The following COL14A1 variants were observed in gnomAD, a reference collection of about 807,000 sequenced individuals.
COL14A1 encodes the protein collagen alpha-1(XIV) chain.
A neutral mutation model predicts 230.3 loss-of-function variants in COL14A1; 136 were observed. The observed-to-expected ratio is 0.59, with a 90% confidence interval of 0.51 to 0.68. COL14A1 has a LOEUF of 0.68. Among genes scored for constraint, COL14A1 ranks in the 30% least tolerant of loss-of-function variants. The pLI, the probability that COL14A1 is intolerant of heterozygous loss-of-function variation, is 0.00. For synonymous variants in COL14A1, 792 were observed against 784.1 expected (o/e 1.01, Z -0.17); for missense variants, 1,976 against 2,215.8 (o/e 0.89, Z 2.17).
At chr8:120,233,478 T>C (rs1818344002) in intron 19 of COL14A1, among the ~76,000 whole-genome samples, 1 of 151,994 alleles carries the variant, frequency 6.6e-6, no homozygotes, top group South Asian at 2.1e-4. Flanking sequence ...TTTTTTTGTC[T>C]AAGATTCATT....
intron 4 of COL14A1, among the ~76,000 whole-genome samples, chr8:120,167,849 A>G (rs372806000): frequency 1.3e-5 from 2 of 152,288 alleles, no homozygotes; most frequent in African/African-American, 4.8e-5. Flanking sequence ...CTGGTTCTTC[A>G]TTCCCTCATG....
chr8:120,134,594 G>GA (rs973280203), intron 1 of COL14A1, among the ~76,000 whole-genome samples: 2 of 151,504 alleles, frequency 1.3e-5, no homozygotes, highest in South Asian at 2.1e-4. Context: ...AGATAAAAAA[G>GA]AAAAAAAATA....
At chr8:120,168,486 C>T (rs1278637077) in intron 5 of COL14A1, among the ~76,000 whole-genome samples, 2 of 152,144 alleles carry the variant, frequency 1.3e-5, no homozygotes, top group Non-Finnish European at 2.9e-5. Context: ...TGTCATATTT[C>T]TTGTTCTGTG....
chr8:120,227,462 C>T (rs1342756218), intron 17 of COL14A1, 110 bp downstream of exon 17: 2 of 1,359,470 alleles, frequency 1.5e-6, no homozygotes, highest in Admixed American at 4.2e-5. Context: ...GCTTCAATTT[C>T]TCTTTGTCCC....
intron 1 of COL14A1, among the ~76,000 whole-genome samples, chr8:120,130,600 T>C (rs1240541046): frequency 6.6e-6 from 1 of 152,196 alleles, no homozygotes; most frequent in East Asian, 1.9e-4. Flanking sequence ...AGCCTACGTG[T>C]ACAAGGAAAG....
chr8:120,247,371 G>A (rs369735953), intron 20 of COL14A1, among the ~76,000 whole-genome samples: 3 of 151,868 alleles, frequency 2.0e-5, no homozygotes, highest in East Asian at 1.9e-4. Context: ...TGCAGTGAGC[G>A]GAGATCGTGC....
At chr8:120,255,420 C>G in intron 23 of COL14A1, 64 bp downstream of exon 23, 4 of 1,168,658 alleles carry the variant, frequency 3.4e-6, no homozygotes, top group Non-Finnish European at 5.1e-6. Context: ...TTGCACACCA[C>G]TGTGTACAAC....
intron 5 of COL14A1, among the ~76,000 whole-genome samples, chr8:120,173,620 A>G (rs1015473897): frequency 9.1e-6 from 1 of 110,486 alleles, no homozygotes; most frequent in East Asian, 2.5e-4. Context: ...GTTATCTATC[A>G]TCCATCTATC....
chr8:120,210,577 C>A (rs933736205), intron 12 of COL14A1, among the ~76,000 whole-genome samples: 3 of 152,102 alleles, frequency 2.0e-5, no homozygotes, highest in Non-Finnish European at 2.9e-5. Flanking sequence ...AAATGATGAA[C>A]CTTTGACCTT....
In COL14A1 at chr8:120,345,506, C is replaced by G; in HGVS notation, c.5020C>G (p.Pro1674Ala). ...TGGAGCCCCTGGTGAACAAGGACCC[C>G]CAGGCACACCAGGCTTCCCCGGAAA... ...SPGAPGEQGP[P>A]GTPGFPGNAG... The change falls in exon 45 of 48, where the codon CCA becomes GCA. Residue 1674 changes from proline to alanine, a missense_variant. Coordinates refer to ENST00000297848, the MANE Select transcript of COL14A1 (RefSeq NM_021110.4). 1.3e-6 allele frequency: 2 copies of G among 1,590,626 alleles called. No homozygotes were observed. The highest frequency in any genetic ancestry group is 2.3e-5 in the South Asian group (2 of 87,080).
In COL14A1 at chr8:120,298,123, A is replaced by G. The variant is rs569087447; in HGVS notation, c.4314+535A>G. On this transcript the variant is annotated intron_variant, in intron 35 of 47. Transcript: ENST00000297848. ...GATCACATTGGCCACTGCCATCCTC[A>G]CTTCTTTTTCTACATTGCTTTTTTC... 2.5e-3 allele frequency among the ~76,000 whole-genome samples: 376 copies of G among 152,016 alleles called. 1 individual carries two copies. Among genetic ancestry groups the G allele is most frequent in the Non-Finnish European group, 3.8e-3 (256 of 67,922 alleles).
At chr8:120,233,878 A>G (rs995569384) in intron 19 of COL14A1, among the ~76,000 whole-genome samples, 1 of 152,152 alleles carries the variant, frequency 6.6e-6, no homozygotes, top group Non-Finnish European at 1.5e-5. Flanking sequence ...GCTTGATGGG[A>G]ATAACATTGA....
At chr8:120,358,563 C>A (rs1388468156) in intron 45 of COL14A1, among the ~76,000 whole-genome samples, 1 of 151,614 alleles carries the variant, frequency 6.6e-6, no homozygotes, top group East Asian at 1.9e-4. Context: ...GCCACGTGAA[C>A]AATGTAAGCA....
intron 8 of COL14A1, among the ~76,000 whole-genome samples, chr8:120,203,217 T>C (rs76612828): frequency 0.014 from 2,131 of 152,032 alleles, 50 homozygotes; most frequent in African/African-American, 0.049. Flanking sequence ...TAAAAACGAT[T>C]CTGCAACTGA....
intron 13 of COL14A1, among the ~76,000 whole-genome samples, chr8:120,215,755 C>G (rs1817731705): frequency 1.3e-5 from 2 of 152,004 alleles, no homozygotes; most frequent in Non-Finnish European, 2.9e-5. Context: ...AAAGAGCAAT[C>G]CAGGAGGCTC....
chr8:120,175,893 T>TA (rs914936058), intron 5 of COL14A1, among the ~76,000 whole-genome samples: 1 of 152,142 alleles, frequency 6.6e-6, no homozygotes, highest in African/African-American at 2.4e-5. Flanking sequence ...GCTGTACTCA[T>TA]AAAAAAATAC....
chr8:120,183,883 C>T (rs529022941), intron 5 of COL14A1, among the ~76,000 whole-genome samples: 1 of 152,140 alleles, frequency 6.6e-6, no homozygotes, highest in South Asian at 2.1e-4. Context: ...TTCCTTTCTC[C>T]GAAATACTTC....
chr8:120,210,344 G>C (rs1817583182), intron 12 of COL14A1, among the ~76,000 whole-genome samples: 1 of 152,090 alleles, frequency 6.6e-6, no homozygotes, highest in South Asian at 2.1e-4. Flanking sequence ...ATTTCCCTAG[G>C]ATAAATTCCT....
Position 120,310,031 on chromosome 8 carries a change from C to T in COL14A1, c.4424C>T (p.Pro1475Leu). 1 of 1,613,670 alleles carries T rather than the reference C, an allele frequency of 6.2e-7. No individual in the cohort carries two copies. The highest frequency in any genetic ancestry group is 8.5e-7 in the Non-Finnish European group (1 of 1,179,738). ...CAGGGTGGTCCAGGACTCCGAGGAC[C>T]AAAGGGCCAGCAAGGTGAACCGGGT... is the stretch of plus-strand genomic sequence containing the variant. ...GPPGGPGLRG[P>L]KGQQGEPGPK... The change falls in exon 37 of 48, where the codon CCA becomes CTA. Residue 1475 changes from proline to leucine, a missense_variant. Transcript: ENST00000297848.
Sources: allele counts gnomAD v4.1 joint callset (sites outside exome capture counted in the v4.1 genomes callset), GRCh38; gene constraint gnomAD v4.1.1; transcripts MANE v1.5; gene names NCBI Gene and HGNC (gene_info 2026-07-23, HGNC 2026-07-21).